The following SYNE1 variants were observed in gnomAD, a reference collection of about 807,000 sequenced individuals.
The protein encoded by SYNE1 is nesprin-1.
SYNE1 carries 616 observed loss-of-function variants against 1,111.0 expected under a neutral mutation model. The ratio of observed to expected loss-of-function variants is 0.55; its 90% CI spans 0.52 to 0.59. SYNE1 has a LOEUF of 0.59. Ranked by LOEUF, SYNE1 falls within the 20% of genes least tolerant of loss-of-function variation. The probability of loss-of-function intolerance (pLI) is 0.00; values close to 1 mark genes in which losing one functional copy is unlikely to be tolerated. For synonymous variants in SYNE1, 3,855 were observed against 3,825.8 expected (o/e 1.01, Z -0.28); for missense variants, 10,006 against 10,417.0 (o/e 0.96, Z 1.72).
At chr6:152,365,228 G>A (rs1039114961) in intron 62 of SYNE1, among the ~76,000 whole-genome samples, 1 of 152,136 alleles carries the variant, frequency 6.6e-6, no homozygotes. Context: ...TGGCCTTGGT[G>A]TTGAAGGTCT....
Position 152,376,213 on chromosome 6 carries a change from G to T in SYNE1, c.9324+168C>A. 3 of 647,538 alleles carry T rather than the reference G, an allele frequency of 4.6e-6. No homozygotes were observed. The South Asian group carries it at 5.4e-5, about 12-fold the overall frequency. 40.1% of individuals were successfully genotyped at this position (647,538 alleles called of 1,614,324 possible). A position where few individuals can be genotyped will look rare whatever the true frequency, so the allele number is the denominator to read the frequency against. On this transcript the variant is annotated intron_variant, in intron 58 of 145. Transcript: ENST00000367255. The stretch of plus-strand genomic sequence containing the variant: ...CTGATCTGACAGGAGGTGGAGCTCA[G>T]GCAGTAACGCTCATTGGCCTGCTGC...
At chr6:152,389,404 A>G (rs1017275782) in intron 53 of SYNE1, among the ~76,000 whole-genome samples, 3 of 152,066 alleles carry the variant, frequency 2.0e-5, no homozygotes, top group Admixed American at 1.3e-4. Context: ...CCTTCTTTGT[A>G]TGAACTTTAA....
At chr6:152,499,027 T>C (rs1340111314) in intron 10 of SYNE1, among the ~76,000 whole-genome samples, 5 of 152,276 alleles carry the variant, frequency 3.3e-5, no homozygotes, top group African/African-American at 9.6e-5. Context: ...GAAATAGTCA[T>C]ATGTAGCTAT....
At chr6:152,485,104 T>A in intron 12 of SYNE1, 132 bp from the exon 13 acceptor site, 1 of 1,024,524 alleles carries the variant, frequency 9.8e-7, no homozygotes, top group Non-Finnish European at 1.4e-6. Flanking sequence ...ATAATAACGG[T>A]AGTTATGATA....
chr6:152,452,171 C>T (rs1028965136), intron 25 of SYNE1, among the ~76,000 whole-genome samples: 2 of 152,066 alleles, frequency 1.3e-5, no homozygotes, highest in Admixed American at 6.5e-5. Context: ...TACCTTTAGT[C>T]CCATAATTAA....
rs533426574 is a variant in SYNE1 at position 152,213,426 on chromosome 6, C to T, written c.22494+186G>A. Among the ~76,000 whole-genome samples, 16 of 152,112 alleles carry T rather than the reference C, an allele frequency of 1.1e-4. No individual in the cohort carries two copies. The East Asian group carries it at 2.1e-3, about 20-fold the overall frequency. ...GTGCTTATAAACAATCATGGAGCAG[C>T]GAATAGGACTACATTTTTATAATTA... On this transcript the variant is annotated intron_variant, in intron 123 of 145. Transcript: ENST00000367255.
At position 152,367,231 on chromosome 6, in the gene SYNE1, G is replaced by T; in HGVS notation, c.9959C>A (p.Thr3320Lys). ...TSDKSVLDSRTLKLEALLSVK... is the reference protein window; with the variant it reads ...TSDKSVLDSRKLKLEALLSVK... ...AAAGATGCACACCTCGAGCTTGAGC[G>T]TCCTGCTGTCCAGCACACTTTTGTC... The change falls in exon 62 of 146, where the codon ACG becomes AAG. Residue 3320 changes from threonine to lysine, a missense_variant. Physicochemically the swap from Thr to Lys is moderately conservative, Grantham distance 78. Coordinates refer to ENST00000367255, the MANE Select transcript of SYNE1 (RefSeq NM_182961.4). The T allele has an allele frequency of 6.2e-7, 1 of 1,614,168 alleles. No homozygotes were observed. The highest frequency in any genetic ancestry group is 8.5e-7 in the Non-Finnish European group (1 of 1,180,024).
chr6:152,352,002 A>G, intron 70 of SYNE1, 25 bp downstream of exon 70: 1 of 1,609,910 alleles, frequency 6.2e-7, no homozygotes. Context: ...CTCTGCATGC[A>G]TCTGTCAATG....
In SYNE1 at chr6:152,369,000, T is replaced by C. The variant is rs555197359; in HGVS notation, c.9779A>G (p.Gln3260Arg). 16 of 1,614,224 alleles carry C rather than the reference T, an allele frequency of 9.9e-6. 1 individual carries two copies. Among genetic ancestry groups the C allele is most frequent in the Middle Eastern group, 1.6e-4 (1 of 6,062 alleles). ...FRHRVSQLSSQYLALSNLTKE... is the reference protein window; with the variant it reads ...FRHRVSQLSSRYLALSNLTKE... ...TGTTAAATTGCTTAGCGCTAGATAC[T>C]GAGAAGACAGCTGCGACACTCTGTG... Residue 3260 changes from glutamine (Q) to arginine (R), a missense_variant, in exon 61 of 146, where the codon CAG becomes CGG. Transcript: ENST00000367255.
chr6:152,124,755 T>C (rs1374095398), intron 145 of SYNE1, among the ~76,000 whole-genome samples: 2 of 152,222 alleles, frequency 1.3e-5, no homozygotes, highest in Admixed American at 6.5e-5. Context: ...TCATATACCT[T>C]ATTAATGGAA....
intron 130 of SYNE1, chr6:152,168,104 G>A: frequency 2.6e-6 from 2 of 780,626 alleles, no homozygotes; most frequent in Non-Finnish European, 4.8e-6. Flanking sequence ...AACTCAAGAA[G>A]ATGCCTGCCT....
intron 129 of SYNE1, among the ~76,000 whole-genome samples, chr6:152,177,182 C>T (rs2066674001): frequency 6.6e-6 from 1 of 152,068 alleles, no homozygotes; most frequent in African/African-American, 2.4e-5. Flanking sequence ...ATCGACAGGC[C>T]TCAAACCTTC....
At position 152,416,405 on chromosome 6, in the gene SYNE1, C is replaced by G. The variant is rs1199419170; in HGVS notation, c.6032G>C (p.Arg2011Pro). Residue 2011 changes from arginine (R) to proline (P), a missense_variant, in exon 41 of 146, where the codon CGC becomes CCC. Transcript: ENST00000367255. ...TATTTACCTCTGCTGAAGAGCTTGGCGGGTAGGTTCTTTCAATCGCTCTTT... is the reference window on the plus strand; with the variant it reads ...TATTTACCTCTGCTGAAGAGCTTGGGGGGTAGGTTCTTTCAATCGCTCTTT... ...TDKERLKEPT[R>P]QALQQRLRVF... 14 of 1,614,012 alleles carry G rather than the reference C, an allele frequency of 8.7e-6. No individual in the cohort carries two copies. Among genetic ancestry groups the G allele is most frequent in the Non-Finnish European group, 1.1e-5 (13 of 1,180,028 alleles).
intron 58 of SYNE1, among the ~76,000 whole-genome samples, chr6:152,375,774 G>A (rs907173878): frequency 4.6e-5 from 7 of 152,108 alleles, no homozygotes; most frequent in Non-Finnish European, 1.0e-4. Flanking sequence ...AAGTGCTCAG[G>A]AACAATGCTT....
intron 63 of SYNE1, 96 bp downstream of exon 63, chr6:152,364,751 G>C: frequency 7.5e-7 from 1 of 1,335,956 alleles, no homozygotes; most frequent in Non-Finnish European, 1.0e-6. Context: ...GGAAAGGGAA[G>C]GGAAGGGAAG....
Position 152,143,594 on chromosome 6 carries a change from G to C in SYNE1, c.25119+29C>G, listed in dbSNP as rs372177794. On this transcript the variant is annotated intron_variant, in intron 138 of 145. Coordinates refer to ENST00000367255, the MANE Select transcript of SYNE1 (RefSeq NM_182961.4). Reference sequence around the variant, plus strand: ...GACACAGAACTGTGGTTTCGCACAGGTCGGAATCAGGATGGCCAGGATACT... The same window carrying C: ...GACACAGAACTGTGGTTTCGCACAGCTCGGAATCAGGATGGCCAGGATACT... 3.1e-4 allele frequency: 498 copies of C among 1,614,062 alleles called. 4 individuals carry two copies. The South Asian group carries it at 5.3e-3, about 17-fold the overall frequency.
intron 94 of SYNE1, 24 bp downstream of exon 94, chr6:152,293,936 A>T: frequency 1.2e-6 from 2 of 1,613,852 alleles, no homozygotes; most frequent in Non-Finnish European, 1.7e-6. Context: ...GGTGGGCATA[A>T]ACTAGTCCAC....
intron 117 of SYNE1, 49 bp downstream of exon 117, chr6:152,224,445 T>G (rs2080985031): frequency 6.4e-7 from 1 of 1,568,000 alleles, no homozygotes; most frequent in African/African-American, 1.4e-5. Context: ...ATTTTTCAGT[T>G]TTCTAAAATT....
chr6:152,144,721 G>A (rs893444687), intron 137 of SYNE1: 6 of 152,206 alleles, frequency 3.9e-5, no homozygotes, highest in Admixed American at 2.0e-4. Flanking sequence ...AAACTGAAGC[G>A]TAAACTAGTA....
Sources: allele counts gnomAD v4.1 joint callset (sites outside exome capture counted in the v4.1 genomes callset), GRCh38; gene constraint gnomAD v4.1.1; transcripts MANE v1.5; gene names NCBI Gene and HGNC (gene_info 2026-07-23, HGNC 2026-07-21).